The following SLC35F6 variants were observed in gnomAD, a reference collection of about 807,000 sequenced individuals.
The protein encoded by SLC35F6 is ANT2-binding protein.
Under a neutral mutation model 29.4 loss-of-function variants are expected in SLC35F6, and 26 were observed. The observed-to-expected ratio is 0.89, with a 90% CI of 0.65 to 1.23. The LOEUF is 1.23. SLC35F6 is among the 50% of genes most tolerant of loss of function. The pLI is 0.00. For synonymous variants in SLC35F6, 174 were observed against 206.6 expected, an observed-to-expected ratio of 0.84 and a Z score of 1.35; for missense variants, 428 against 487.8, an observed-to-expected ratio of 0.88 and a Z score of 1.15.
rs182260953 is a variant in SLC35F6 at position 26,766,797 on chromosome 2, T to C, written c.77+2371T>C. ...TATCAGGCAAAGACAGGGGCTGATA[T>C]TCCTGTATAAGGAAACTGAGGTAGG... is the stretch of plus-strand genomic sequence containing the variant. On this transcript the variant is annotated intron_variant, in intron 1 of 5. Transcript: ENST00000344420. Among the ~76,000 whole-genome samples, 249 of 152,296 alleles carry C rather than the reference T, an allele frequency of 1.6e-3. 1 individual carries two copies. The highest frequency in any genetic ancestry group is 6.3e-3 in the Admixed American group (96 of 15,298).
chr2:26,775,287 C>A lies in SLC35F6; in HGVS notation c.322+72C>A. On this transcript the variant is annotated intron_variant, in intron 3 of 5. Coordinates refer to ENST00000344420, the MANE Select transcript of SLC35F6 (RefSeq NM_017877.4). This position sits in a 1 kb window ranked among gnomAD's most constrained non-coding sequence, Gnocchi z 4.6. ...TGAAGGGGCTACTGGTGAAACAGCC[C>A]TATCCCACCCACCTCCACTTCATCC... 1 of 1,556,512 alleles carries A rather than the reference C, an allele frequency of 6.4e-7. No individual in the cohort carries two copies.
At chr2:26,765,540 A>G (rs1329370594) in intron 1 of SLC35F6, among the ~76,000 whole-genome samples, 2 of 152,158 alleles carry the variant, frequency 1.3e-5, no homozygotes, top group African/African-American at 2.4e-5. Flanking sequence ...TAAGGTACCT[A>G]CGGTGTGTAA....
At chr2:26,769,503 C>G (rs828261) in intron 1 of SLC35F6, among the ~76,000 whole-genome samples, 60,993 of 152,176 alleles carry the variant, frequency 0.4, 12,602 homozygotes, top group Admixed American at 0.49. Context: ...GGGCGCATGA[C>G]TGCCTGCTGA....
chr2:26,769,286 A>G (rs1664151093), intron 1 of SLC35F6, among the ~76,000 whole-genome samples: 1 of 152,204 alleles, frequency 6.6e-6, no homozygotes, highest in African/African-American at 2.4e-5. Context: ...ACCACCCAGC[A>G]CGGAGAGCCT....
rs536311747 is a variant in SLC35F6 at position 26,778,260 on chromosome 2, G to T, written c.865G>T (p.Ala289Ser). The T allele has an allele frequency of 6.2e-7, 1 of 1,614,150 alleles. No homozygotes were observed. The highest frequency in any genetic ancestry group is 1.1e-5 in the South Asian group (1 of 91,078). The change falls in exon 6 of 6, where the codon GCC becomes TCC. Residue 289 changes from alanine (A) to serine (S), a missense_variant. Ala to Ser is a moderately conservative substitution (Grantham distance 99). Transcript: ENST00000344420. ...AGISVTKELS[A>S]TTRMVLDSLR... Reference sequence around the variant, plus strand: ...CATCAGCGTCACCAAGGAACTGAGCGCCACCACCCGCATGGTGTTGGACAG... The same window carrying T: ...CATCAGCGTCACCAAGGAACTGAGCTCCACCACCCGCATGGTGTTGGACAG...
intron 5 of SLC35F6, among the ~76,000 whole-genome samples, chr2:26,777,155 C>T (rs1179456334): frequency 1.3e-5 from 2 of 152,188 alleles, no homozygotes; most frequent in East Asian, 1.9e-4. Context: ...GCCGAGATTG[C>T]GCCACCGCAC....
intron 1 of SLC35F6, among the ~76,000 whole-genome samples, chr2:26,772,039 C>T (rs1312637462): frequency 6.6e-6 from 1 of 152,218 alleles, no homozygotes. Flanking sequence ...CTGCCATTCC[C>T]AAGAACCACA....
chr2:26,765,664 A>G (rs1252724815), intron 1 of SLC35F6, among the ~76,000 whole-genome samples: 2 of 152,246 alleles, frequency 1.3e-5, no homozygotes, highest in African/African-American at 2.4e-5. Flanking sequence ...TCCCTTCCCC[A>G]AACGGTGGGC....
intron 1 of SLC35F6, among the ~76,000 whole-genome samples, chr2:26,768,464 G>A (rs868052833): frequency 5.3e-5 from 8 of 150,828 alleles, no homozygotes; most frequent in African/African-American, 2.0e-4. Flanking sequence ...CCGGGTGAAC[G>A]CATTCTCATG....
chr2:26,778,042 G>C lies in SLC35F6; in HGVS notation c.647G>C (p.Gly216Ala), dbSNP rs1178107605. The C allele has an allele frequency of 6.2e-7, 1 of 1,609,022 alleles. No homozygotes were observed. Among genetic ancestry groups the C allele is most frequent in the Non-Finnish European group, 8.5e-7 (1 of 1,176,252 alleles). Residue 216 changes from glycine to alanine, a missense_variant and splice_region_variant, in exon 6 of 6, where the codon GGC (glycine) becomes GCC (alanine). Gly to Ala is a moderately conservative substitution (Grantham distance 60). Coordinates refer to ENST00000344420, the MANE Select transcript of SLC35F6 (RefSeq NM_017877.4). Reference sequence around the variant, plus strand: ...TGTAACTGTTTCCTCTACTCCCCAGGCCTCTTTGGCTTTGTGATCCTCTCC... The same window carrying C: ...TGTAACTGTTTCCTCTACTCCCCAGCCCTCTTTGGCTTTGTGATCCTCTCC... ...VHPLRAVGTEGLFGFVILSLL... is the reference protein window; with the variant it reads ...VHPLRAVGTEALFGFVILSLL...
At chr2:26,767,957 C>A (rs1389949253) in intron 1 of SLC35F6, among the ~76,000 whole-genome samples, 3 of 152,222 alleles carry the variant, frequency 2.0e-5, no homozygotes, top group Non-Finnish European at 4.4e-5. Flanking sequence ...CCCAGCCAGG[C>A]AGGGATATGA....
intron 1 of SLC35F6, among the ~76,000 whole-genome samples, chr2:26,767,894 C>T (rs1664124553): frequency 6.6e-6 from 1 of 152,152 alleles, no homozygotes; most frequent in African/African-American, 2.4e-5. Context: ...CAAGTAGATG[C>T]TCACTAAGTA....
At chr2:26,773,208 A>AC (rs1283735931) in intron 1 of SLC35F6, among the ~76,000 whole-genome samples, 1 of 152,084 alleles carries the variant, frequency 6.6e-6, no homozygotes, top group Admixed American at 6.6e-5. Context: ...TGTAAATAAG[A>AC]CCAAGGATTG....
chr2:26,776,331 A>C, intron 4 of SLC35F6, 41 bp from the exon 5 acceptor site: 1 of 1,591,962 alleles, frequency 6.3e-7, no homozygotes, highest in East Asian at 2.2e-5. Context: ...CCCCAGCCCC[A>C]GTGCAGCCCT....
chr2:26,771,759 G>C (rs1463012975), intron 1 of SLC35F6, among the ~76,000 whole-genome samples: 1 of 151,934 alleles, frequency 6.6e-6, no homozygotes, highest in African/African-American at 2.4e-5. Context: ...CTTGAGCCCA[G>C]GAGTTCAAGA....
In SLC35F6 at chr2:26,764,445, G is replaced by C. The variant is rs1489650494; in HGVS notation, c.77+19G>C. 6 of 1,550,616 alleles carry C rather than the reference G, an allele frequency of 3.9e-6. No individual in the cohort carries two copies. The highest frequency in any genetic ancestry group is 5.2e-6 in the Non-Finnish European group (6 of 1,146,796). On this transcript the variant is annotated intron_variant, in intron 1 of 5. Coordinates refer to ENST00000344420, the MANE Select transcript of SLC35F6 (RefSeq NM_017877.4). ...CGGCAAAGTGAGTCTGGGCCCTGCCGGGCGTGCGGGCCCTGGCGACCCCGG... is the reference window on the plus strand; with the variant it reads ...CGGCAAAGTGAGTCTGGGCCCTGCCCGGCGTGCGGGCCCTGGCGACCCCGG...
intron 1 of SLC35F6, among the ~76,000 whole-genome samples, chr2:26,765,298 C>A (rs916796487): frequency 4.6e-5 from 7 of 152,148 alleles, no homozygotes; most frequent in Admixed American, 1.3e-4. Context: ...ACAGAGAGGG[C>A]AAGTGGCCAG....
At chr2:26,773,947 G>A (rs1047209154) in intron 1 of SLC35F6, among the ~76,000 whole-genome samples, 6 of 152,218 alleles carry the variant, frequency 3.9e-5, no homozygotes, top group African/African-American at 1.4e-4. Flanking sequence ...GTTATAAGTG[G>A]GTCTGACTAC....
intron 1 of SLC35F6, 29 bp from the exon 2 acceptor site, chr2:26,774,222 G>T (rs1664256127): frequency 1.2e-6 from 2 of 1,613,548 alleles, no homozygotes; most frequent in South Asian, 2.2e-5. Flanking sequence ...GATGCTGACA[G>T]GGTCTGACCT....
Sources: allele counts gnomAD v4.1 joint callset (sites outside exome capture counted in the v4.1 genomes callset), GRCh38; gene constraint gnomAD v4.1.1; non-coding constraint Gnocchi (gnomAD v3.1); transcripts MANE v1.5; gene names NCBI Gene and HGNC (gene_info 2026-07-23, HGNC 2026-07-21).